The following DISC1 variants were observed in gnomAD, a reference collection of about 807,000 sequenced individuals.
DISC1 encodes the protein disrupted in schizophrenia 1 protein.
In DISC1, 57 loss-of-function variants were observed where a neutral mutation model predicts 84.5. The ratio of observed to expected loss-of-function variants is 0.67; its 90% CI spans 0.55 to 0.84. The LOEUF is 0.84. Among genes scored for constraint, DISC1 ranks in the 40% least tolerant of loss-of-function variants. The pLI is 0.00. For missense variants in DISC1, 1,000 were observed against 1,057.8 expected, an observed-to-expected ratio of 0.95 and a Z score of 0.76; for synonymous variants, 411 against 415.2, an observed-to-expected ratio of 0.99 and a Z score of 0.12.
Position 231,770,758 on chromosome 1 carries a change from A to C in DISC1, c.1399-77A>C, listed in dbSNP as rs2076497652. ...TGGTGCATATGGCCAATTCTCATTTAAACGAGTCATTATCCTCAGAGCAGT... is the reference window on the plus strand; with the variant it reads ...TGGTGCATATGGCCAATTCTCATTTCAACGAGTCATTATCCTCAGAGCAGT... On this transcript the variant is annotated intron_variant, in intron 5 of 12. Transcript: ENST00000439617. The C allele has an allele frequency of 3.2e-6, 5 of 1,559,922 alleles. No homozygotes were observed. The African/African-American group carries it at 6.8e-5, about 21-fold the overall frequency.
At chr1:231,950,168 CCTT>C (rs1023886029) in intron 9 of DISC1, among the ~76,000 whole-genome samples, 12 of 148,468 alleles carry the variant, frequency 8.1e-5, no homozygotes, top group African/African-American at 2.2e-4. Flanking sequence ...AAATTTTCTT[CCTT>C]CTTCTGTCTA....
intron 10 of DISC1, among the ~76,000 whole-genome samples, chr1:231,980,041 G>T (rs780041223): frequency 3.3e-5 from 5 of 152,146 alleles, no homozygotes; most frequent in Non-Finnish European, 7.3e-5. Flanking sequence ...ATGGTTCAAA[G>T]TCAAGTGTAT....
chr1:232,036,125 G>C (rs1290394770), intron 12 of DISC1, among the ~76,000 whole-genome samples: 1 of 152,140 alleles, frequency 6.6e-6, no homozygotes, highest in Non-Finnish European at 1.5e-5. Context: ...GCCTGGAGAG[G>C]TTTCAAAGTC....
intron 9 of DISC1, among the ~76,000 whole-genome samples, chr1:231,924,706 G>C (rs1572093970): frequency 6.6e-6 from 1 of 151,510 alleles, no homozygotes; most frequent in East Asian, 2.0e-4. Context: ...GCCCAGGCTG[G>C]AGTGCAGTGG....
At chr1:232,027,146 G>A (rs946209415) in intron 12 of DISC1, among the ~76,000 whole-genome samples, 21 of 152,202 alleles carry the variant, frequency 1.4e-4, no homozygotes, top group Non-Finnish European at 2.6e-4. Context: ...TCAAGTGAGT[G>A]TAAATCCAGC....
intron 3 of DISC1, among the ~76,000 whole-genome samples, chr1:231,728,322 A>T (rs1194789385): frequency 1.3e-5 from 2 of 152,216 alleles, no homozygotes; most frequent in Non-Finnish European, 1.5e-5. Flanking sequence ...CTCATTTTAC[A>T]AATCCTAACT....
intron 9 of DISC1, among the ~76,000 whole-genome samples, chr1:231,885,203 T>G (rs1192607209): frequency 6.6e-6 from 1 of 152,062 alleles, no homozygotes; most frequent in African/African-American, 2.4e-5. Flanking sequence ...TACGAAAAAA[T>G]GACAGGTGGG....
intron 10 of DISC1, among the ~76,000 whole-genome samples, chr1:231,975,668 T>C (rs1231551627): frequency 2.6e-5 from 4 of 152,214 alleles, no homozygotes; most frequent in Non-Finnish European, 4.4e-5. Context: ...GATCTTGTCA[T>C]TTGCAGCAAC....
At chr1:231,799,217 A>G (rs2078994650) in intron 7 of DISC1, among the ~76,000 whole-genome samples, 1 of 152,170 alleles carries the variant, frequency 6.6e-6, no homozygotes, top group Admixed American at 6.6e-5. Context: ...TACATGATAA[A>G]ACTCTCAAAC....
intron 1 of DISC1, among the ~76,000 whole-genome samples, chr1:231,682,857 C>T (rs1164740189): frequency 6.6e-6 from 1 of 152,166 alleles, no homozygotes; most frequent in Admixed American, 6.5e-5. Flanking sequence ...TTTCCTGTTC[C>T]CCGATCCAAT....
chr1:231,931,645 A>ATTTT (rs10652394), intron 9 of DISC1, among the ~76,000 whole-genome samples: 4,774 of 137,862 alleles, frequency 0.035, 271 homozygotes, highest in East Asian at 0.26. Context: ...ACTGCTTGTG[A>ATTTT]TTTTTTTTTT....
Position 231,974,143 on chromosome 1 carries a change from T to C in DISC1, c.2042+15255T>C, listed in dbSNP as rs984545238. Among the ~76,000 whole-genome samples the C allele has an allele frequency of 1.1e-4, 16 of 152,112 alleles. No individual in the cohort carries two copies. The East Asian group carries it at 1.9e-3, about 18-fold the overall frequency. On this transcript the variant is annotated intron_variant, in intron 10 of 12. Coordinates refer to ENST00000439617, the MANE Select transcript of DISC1 (RefSeq NM_018662.3). ...TCAAAGCAGCAGGAGAGAACCATGA[T>C]TGGGGTGTCTGGGACTAGAATGGGG...
At chr1:231,834,025 G>A (rs2082435229) in intron 9 of DISC1, among the ~76,000 whole-genome samples, 1 of 152,200 alleles carries the variant, frequency 6.6e-6, no homozygotes, top group Non-Finnish European at 1.5e-5. Context: ...AACGAGCCAT[G>A]AACTGGGCTG....
intron 1 of DISC1, among the ~76,000 whole-genome samples, chr1:231,674,053 A>C (rs992328222): frequency 1.3e-5 from 2 of 152,208 alleles, no homozygotes; most frequent in Non-Finnish European, 2.9e-5. Context: ...TGTGTTACTT[A>C]TCTCCTATAA....
intron 6 of DISC1, chr1:231,774,967 A>G: frequency 5.8e-6 from 2 of 346,368 alleles, no homozygotes; most frequent in South Asian, 4.4e-5. Flanking sequence ...AACCCATCTT[A>G]CATACATCAA....
chr1:231,788,521 A>G (rs1441352828), intron 6 of DISC1, among the ~76,000 whole-genome samples: 6 of 152,194 alleles, frequency 3.9e-5, no homozygotes, highest in African/African-American at 9.7e-5. Flanking sequence ...CAACAACCCT[A>G]TTTCCAACTG....
chr1:231,970,038 T>G (rs551192496), intron 10 of DISC1, among the ~76,000 whole-genome samples: 1 of 152,276 alleles, frequency 6.6e-6, no homozygotes, highest in South Asian at 2.1e-4. Context: ...TTTGCTATTG[T>G]GAATAGTGCT....
At chr1:231,952,711 A>ATG (rs757368551) in intron 9 of DISC1, among the ~76,000 whole-genome samples, 11 of 145,248 alleles carry the variant, frequency 7.6e-5, no homozygotes, top group Middle Eastern at 3.6e-3. Context: ...ATATATATAT[A>ATG]TATGTATATA....
rs2065386234 is a variant in DISC1 at position 231,694,297 on chromosome 1, C to T, written c.539C>T (p.Ala180Val). Residue 180 changes from alanine (A) to valine (V), a missense_variant, in exon 2 of 13, where the codon GCA (alanine) becomes GTA (valine). By Grantham distance (64) the Ala-to-Val change is moderately conservative (BLOSUM62 0). This residue lies in a region of DISC1 where 292 missense variants were observed against 280.2 expected (regional missense o/e 1.04). Transcript: ENST00000439617. ...RVRAAGSLPS[A>V]ELSSNSCSPG... The stretch of plus-strand genomic sequence containing the variant: ...CGGGCAGCAGGCTCTCTGCCATCAG[C>T]AGAGTTGAGTAGCAACAGCTGCAGC... The T allele has an allele frequency of 6.2e-7, 1 of 1,614,260 alleles. No homozygotes were observed. The highest frequency in any genetic ancestry group is 8.5e-7 in the Non-Finnish European group (1 of 1,180,046).
Sources: allele counts gnomAD v4.1 joint callset (sites outside exome capture counted in the v4.1 genomes callset), GRCh38; gene constraint gnomAD v4.1.1; regional missense constraint gnomAD v4.1.1; transcripts MANE v1.5; gene names NCBI Gene and HGNC (gene_info 2026-07-23, HGNC 2026-07-21).